The following GTPBP4 variants were observed in gnomAD, a reference collection of about 807,000 sequenced individuals.
GTPBP4 encodes GTP-binding protein 4.
GTPBP4 carries 15 observed loss-of-function variants against 81.7 expected under a neutral mutation model. The ratio of observed to expected loss-of-function variants is 0.18; its 90% CI spans 0.12 to 0.28. GTPBP4 has a LOEUF of 0.28. Ranked by LOEUF, GTPBP4 falls within the 10% of genes least tolerant of loss-of-function variation. GTPBP4 has a pLI of 1.00. For missense variants in GTPBP4, 847 were observed against 793.8 expected, an observed-to-expected ratio of 1.07 and a Z score of -0.81; for synonymous variants, 272 against 274.6, an observed-to-expected ratio of 0.99 and a Z score of 0.09.
intron 8 of GTPBP4, 134 bp downstream of exon 8, chr10:1,001,147 C>G: frequency 1.5e-6 from 1 of 646,292 alleles, no homozygotes; most frequent in Non-Finnish European, 2.7e-6. Context: ...ATAATATCCT[C>G]AGTGGTTTAG....
chr10:990,145 C>T (rs1831416660), intron 1 of GTPBP4, among the ~76,000 whole-genome samples: 1 of 152,186 alleles, frequency 6.6e-6, no homozygotes, highest in Admixed American at 6.5e-5. Flanking sequence ...GAACTTTGTT[C>T]ATGTTATTGA....
At chr10:991,396 T>C (rs1831439318) in intron 1 of GTPBP4, among the ~76,000 whole-genome samples, 1 of 152,230 alleles carries the variant, frequency 6.6e-6, no homozygotes, top group Non-Finnish European at 1.5e-5. Context: ...GGGGATCGGA[T>C]CCTTATTAAA....
intron 4 of GTPBP4, chr10:996,904 G>A (rs977634606): frequency 6.0e-6 from 2 of 330,796 alleles, no homozygotes; most frequent in Non-Finnish European, 1.1e-5. Context: ...TCTTGCTAAT[G>A]AGAATTGTCT....
chr10:996,162 A>C lies in GTPBP4; in HGVS notation c.380A>C (p.Lys127Thr), dbSNP rs748784404. 1.9e-6 allele frequency: 3 copies of C among 1,613,148 alleles called. No individual in the cohort carries two copies. The African/African-American group carries it at 4.0e-5, about 22-fold the overall frequency. The change falls in exon 4 of 17, where the codon AAA becomes ACA. Residue 127 changes from lysine (K) to threonine (T), a missense_variant. By Grantham distance (78) the Lys-to-Thr change is moderately conservative. Around this residue, in one of 3 missense-constraint regions of GTPBP4, gnomAD observed 241 missense variants for 216.3 expected, o/e 1.11. Coordinates refer to ENST00000360803, the MANE Select transcript of GTPBP4 (RefSeq NM_012341.3). ...MKYGDSLYRC[K>T]QLKRAALGRM... ...TATGGCGACTCTCTCTACCGCTGCAAACAGCTGAAGCGTGCGGCCCTGGGA... is the reference window on the plus strand; with the variant it reads ...TATGGCGACTCTCTCTACCGCTGCACACAGCTGAAGCGTGCGGCCCTGGGA...
Position 1,017,146 on chromosome 10 carries a change from G to C in GTPBP4, c.1824G>C (p.Glu608Asp). The C allele has an allele frequency of 4.3e-6, 7 of 1,613,812 alleles. No homozygotes were observed. The highest frequency in any genetic ancestry group is 5.9e-6 in the Non-Finnish European group (7 of 1,179,670). Residue 608 changes from glutamate to aspartate, a missense_variant, in exon 17 of 17, where the codon GAG becomes GAC. By Grantham distance (45) the Glu-to-Asp change is conservative. This residue lies in a region of GTPBP4 where 600 missense variants were observed against 557.1 expected (regional missense o/e 1.08). Coordinates refer to ENST00000360803, the MANE Select transcript of GTPBP4 (RefSeq NM_012341.3). ...TGAATCGGTTGGGGAAGAAAGGGGA[G>C]GCGGATAGACACGTGTTTGATATGA... Reference protein sequence around the residue: ...KKMNRLGKKGEADRHVFDMKP... With the variant: ...KKMNRLGKKGDADRHVFDMKP...
Position 1,009,559 on chromosome 10 carries a change from G to T in GTPBP4, c.1222G>T (p.Asp408Tyr). Residue 408 changes from aspartate to tyrosine, a missense_variant, in exon 12 of 17, where the codon GAT becomes TAT. By Grantham distance (160) the Asp-to-Tyr change is radical. Coordinates refer to ENST00000360803, the MANE Select transcript of GTPBP4 (RefSeq NM_012341.3). ...AGATCTTGAGCTGGAAATGGGAGAT[G>T]ATTATATTTTGGATCTTCAGAGTAA... ...ERDLELEMGD[D>Y]YILDLQKYWD... 1.2e-6 allele frequency: 2 copies of T among 1,600,430 alleles called. No homozygotes were observed. The highest frequency in any genetic ancestry group is 1.7e-6 in the Non-Finnish European group (2 of 1,167,522).
chr10:989,413 C>T (rs1317697028), intron 1 of GTPBP4, among the ~76,000 whole-genome samples: 4 of 152,160 alleles, frequency 2.6e-5, no homozygotes, highest in African/African-American at 7.2e-5. Flanking sequence ...CTGCGCCCGG[C>T]CCTAGTATTA....
At chr10:996,302 T>C (rs1831537600) in intron 4 of GTPBP4, 60 bp downstream of exon 4, 2 of 1,446,486 alleles carry the variant, frequency 1.4e-6, no homozygotes, top group East Asian at 2.3e-5. Flanking sequence ...TGCGTCCTTG[T>C]TGAGGACTTG....
At chr10:1,013,943 C>T (rs959980124) in intron 14 of GTPBP4, among the ~76,000 whole-genome samples, 2 of 152,188 alleles carry the variant, frequency 1.3e-5, no homozygotes, top group Non-Finnish European at 2.9e-5. Flanking sequence ...CCTCACTAAC[C>T]TCAGCTTTAG....
At chr10:1,016,439 T>C (rs1045829187) in intron 16 of GTPBP4, among the ~76,000 whole-genome samples, 2 of 152,226 alleles carry the variant, frequency 1.3e-5, no homozygotes, top group Non-Finnish European at 2.9e-5. Flanking sequence ...CACAACAACT[T>C]TTAGTTTCAG....
At position 994,107 on chromosome 10, in the gene GTPBP4, C is replaced by A. The variant is rs1223681283; in HGVS notation, c.219+1448C>A. 2.6e-5 allele frequency among the ~76,000 whole-genome samples: 4 copies of A among 152,132 alleles called. No individual in the cohort carries two copies. In the East Asian group the frequency reaches 7.7e-4, roughly 29 times the overall value. ...CAGAAGTGCTTAAAATACAAAAATT[C>A]TTGCTAGAGGACGGACACTTAGGTT... On this transcript the variant is annotated intron_variant, in intron 2 of 16. Transcript: ENST00000360803.
chr10:1,000,610 C>T, intron 6 of GTPBP4, 67 bp from the exon 7 acceptor site: 1 of 889,462 alleles, frequency 1.1e-6, no homozygotes, highest in Non-Finnish European at 1.6e-6. Context: ...TGAGTGACTT[C>T]TGGGATGTGC....
intron 6 of GTPBP4, 74 bp from the exon 7 acceptor site, chr10:1,000,603 G>A (rs1831610567): frequency 2.6e-6 from 2 of 781,198 alleles, no homozygotes; most frequent in Middle Eastern, 2.5e-4. Flanking sequence ...GTGTGTGTGA[G>A]TGACTTCTGG....
At chr10:1,011,923 GC>G (rs1831883750) in intron 13 of GTPBP4, among the ~76,000 whole-genome samples, 1 of 152,216 alleles carries the variant, frequency 6.6e-6, no homozygotes, top group Non-Finnish European at 1.5e-5. Flanking sequence ...ACGAGGCCTG[GC>G]CCCCGTCTCA....
Position 1,019,435 on chromosome 10 carries a change from T to C in GTPBP4, c.*2208T>C. The C allele has an allele frequency of 8.8e-7, 1 of 1,135,256 alleles. No individual in the cohort carries two copies. 70.3% of individuals were successfully genotyped at this position (1,135,256 alleles called of 1,614,324 possible). A position where few individuals can be genotyped will look rare whatever the true frequency, so the allele number is the denominator to read the frequency against. ...CAAGTGCCCCTTTTGCCCTGTTTTT[T>C]GGAGAGGGTGTATCATTGCCTCAAT... On this transcript the variant is annotated 3_prime_UTR_variant, in exon 17 of 17. Coordinates refer to ENST00000360803, the MANE Select transcript of GTPBP4 (RefSeq NM_012341.3).
rs532085554 is a variant in GTPBP4, at chr10:1,014,398, T to C, written c.1608+86T>C. The C allele has an allele frequency of 4.9e-4, 471 of 959,432 alleles. 4 individuals carry two copies. The African/African-American group carries it at 6.9e-3, about 14-fold the overall frequency. The allele number at this position is 959,432 out of a possible 1,614,324, so 59.4% of individuals were successfully genotyped here. A position where few individuals can be genotyped will look rare whatever the true frequency, so the allele number is the denominator to read the frequency against. On this transcript the variant is annotated intron_variant, in intron 15 of 16. Coordinates refer to ENST00000360803, the MANE Select transcript of GTPBP4 (RefSeq NM_012341.3). The stretch of plus-strand genomic sequence containing the variant: ...CTGGCCGGGCGTGGTGGCTCATGCC[T>C]GTAATCCCAGCACTTTGGGAGGCCA...
At chr10:1,008,892 T>C in intron 10 of GTPBP4, 66 bp from the exon 11 acceptor site, 3 of 1,205,302 alleles carry the variant, frequency 2.5e-6, no homozygotes, top group Non-Finnish European at 3.7e-6. Flanking sequence ...TTTCTACTTT[T>C]TCGGCTTTGT....
intron 15 of GTPBP4, among the ~76,000 whole-genome samples, chr10:1,014,822 G>A (rs1195116156): frequency 2.0e-5 from 3 of 151,642 alleles, no homozygotes; most frequent in Non-Finnish European, 4.4e-5. Flanking sequence ...GGTCTGGGTT[G>A]AAGTGGTGGA....
At chr10:1,002,597 A>G (rs1328088997) in intron 8 of GTPBP4, among the ~76,000 whole-genome samples, 1 of 152,186 alleles carries the variant, frequency 6.6e-6, no homozygotes, top group Non-Finnish European at 1.5e-5. Context: ...AGGCTGGTCT[A>G]GTAGTGACGA....
Sources: gnomAD v4.1 joint callset for allele counts (sites outside exome capture counted in the v4.1 genomes callset) on GRCh38, gnomAD v4.1.1 for gene constraint, gnomAD v4.1.1 regional missense constraint, MANE v1.5 for transcripts, NCBI Gene and HGNC (gene_info 2026-07-23, HGNC 2026-07-21) for gene names.